The following CEP350 variants were observed in gnomAD, a reference collection of about 807,000 sequenced individuals.
CEP350 encodes the protein centrosome-associated protein 350.
Under a neutral mutation model 331.8 loss-of-function variants are expected in CEP350, and 126 were observed. The observed-to-expected ratio is 0.38, with a 90% CI of 0.33 to 0.44. CEP350 has a LOEUF of 0.44. CEP350 is among the 20% of genes least tolerant of loss of function. CEP350 has a pLI of 1.00. For synonymous variants in CEP350, 1,200 were observed against 1,259.5 expected (o/e 0.95, Z 1.00); for missense variants, 3,406 against 3,634.6 (o/e 0.94, Z 1.62).
chr1:180,095,832 G>T lies in CEP350; in HGVS notation c.8821G>T (p.Gly2941Cys). The T allele has an allele frequency of 6.2e-7, 1 of 1,613,894 alleles. No individual in the cohort carries two copies. Among genetic ancestry groups the T allele is most frequent in the South Asian group, 1.1e-5 (1 of 91,076 alleles). The change falls in exon 35 of 38, where the codon GGC (glycine) becomes TGC (cysteine). Residue 2941 changes from glycine to cysteine, a missense_variant. By Grantham distance (159) the Gly-to-Cys change is radical (BLOSUM62 -3). Transcript: ENST00000367607. ...AGAACTTTGGAAATGGAAAGAATTA[G>T]GCCACGATCTTCATAGCATCAGTAT... ...AEELWKWKEL[G>C]HDLHSISIPT...
At chr1:180,015,713 G>A in intron 10 of CEP350, 136 bp from the exon 11 acceptor site, 2 of 1,034,552 alleles carry the variant, frequency 1.9e-6, no homozygotes, top group Non-Finnish European at 2.7e-6. Flanking sequence ...AATTTTAATT[G>A]GTTTTGTTTG....
At chr1:180,034,965 G>A (rs1445268537) in intron 16 of CEP350, among the ~76,000 whole-genome samples, 1 of 152,206 alleles carries the variant, frequency 6.6e-6, no homozygotes, top group Admixed American at 6.5e-5. Context: ...TATGCCAAAA[G>A]CTAGGCCTCT....
intron 1 of CEP350, among the ~76,000 whole-genome samples, chr1:179,965,417 C>A (rs1197739183): frequency 4.6e-5 from 7 of 151,982 alleles, no homozygotes; most frequent in Non-Finnish European, 7.4e-5. Flanking sequence ...TCCGTTTGGT[C>A]AAGTGTCTAA....
At chr1:180,052,576 A>G (rs1378419761) in intron 22 of CEP350, among the ~76,000 whole-genome samples, 2 of 151,538 alleles carry the variant, frequency 1.3e-5, no homozygotes, top group Non-Finnish European at 2.9e-5. Context: ...GAGTTTTTTA[A>G]AAAGATATTT....
At chr1:180,018,113 C>T (rs1486739846) in intron 11 of CEP350, among the ~76,000 whole-genome samples, 1 of 152,306 alleles carries the variant, frequency 6.6e-6, no homozygotes. Context: ...TCAAGTGATC[C>T]TCCCACCTCA....
At chr1:180,044,498 T>TA (rs1656986722) in intron 21 of CEP350, among the ~76,000 whole-genome samples, 1 of 151,980 alleles carries the variant, frequency 6.6e-6, no homozygotes, top group African/African-American at 2.4e-5. Context: ...TATGCAGCCA[T>TA]AAAAAATGAT....
chr1:180,029,952 A>C (rs1319679058), intron 14 of CEP350, among the ~76,000 whole-genome samples: 1 of 152,072 alleles, frequency 6.6e-6, no homozygotes, highest in South Asian at 2.1e-4. Context: ...CACTTAGCAT[A>C]ATGTCTTCAA....
intron 16 of CEP350, among the ~76,000 whole-genome samples, chr1:180,035,928 G>T (rs1375881682): frequency 4.6e-5 from 7 of 152,110 alleles, no homozygotes; most frequent in African/African-American, 1.2e-4. Context: ...CTGCTGATTT[G>T]GGCAAAGTAA....
chr1:179,983,868 T>G (rs932601912), intron 1 of CEP350, among the ~76,000 whole-genome samples: 2 of 152,160 alleles, frequency 1.3e-5, no homozygotes, highest in African/African-American at 4.8e-5. Context: ...ATAGAAAAGA[T>G]AATTCACCAA....
At chr1:179,972,557 T>G (rs1651530865) in intron 1 of CEP350, among the ~76,000 whole-genome samples, 1 of 152,092 alleles carries the variant, frequency 6.6e-6, no homozygotes, top group South Asian at 2.1e-4. Flanking sequence ...CAGGCTGGAG[T>G]GCAGTGGTGC....
In CEP350 at chr1:179,990,618, A is replaced by G. The variant is rs1194872108; in HGVS notation, c.232A>G (p.Lys78Glu). The change falls in exon 4 of 38, where the codon AAA (lysine) becomes GAA (glutamate). Residue 78 changes from lysine to glutamate, a missense_variant. This residue lies in a region of CEP350 where 1,857 missense variants were observed against 1,909.2 expected (regional missense o/e 0.97). Transcript: ENST00000367607. ...AAGTGCTACTCGAAAAATAAGTAGA[A>G]AAGGTATGTATGAAGTTACTTCCAA... ...STSATRKISR[K>E]DGRYLDDSWV... 6.5e-7 allele frequency: 1 copy of G among 1,535,162 alleles called. No homozygotes were observed. Among genetic ancestry groups the G allele is most frequent in the Non-Finnish European group, 8.9e-7 (1 of 1,120,486 alleles).
chr1:180,084,833 C>T (rs1227679806), intron 31 of CEP350, among the ~76,000 whole-genome samples: 2 of 152,008 alleles, frequency 1.3e-5, no homozygotes, highest in Non-Finnish European at 2.9e-5. Context: ...CTGTGAATAG[C>T]CACTGCATTC....
rs1654675142 is a variant in CEP350 at position 180,011,778 on chromosome 1, G to T, written c.1247-151G>T. 6 of 537,278 alleles carry T rather than the reference G, an allele frequency of 1.1e-5. No individual in the cohort carries two copies. The South Asian group carries it at 1.8e-4, about 16-fold the overall frequency. The allele number at this position is 537,278 out of a possible 1,614,324, so 33.3% of individuals were successfully genotyped here. A position where few individuals can be genotyped will look rare whatever the true frequency, so the allele number is the denominator to read the frequency against. On this transcript the variant is annotated intron_variant, in intron 8 of 37. Coordinates refer to ENST00000367607, the MANE Select transcript of CEP350 (RefSeq NM_014810.5). ...ATAAACAAATGGTTAACTGACTTGG[G>T]GAGGTTAGGGTTTAAAAATATCATT...
intron 1 of CEP350, chr1:179,969,465 T>C: frequency 2.1e-6 from 1 of 487,006 alleles, no homozygotes; most frequent in Non-Finnish European, 4.1e-6. Context: ...CAGCTCCCAC[T>C]GCTCAGGCCA....
intron 1 of CEP350, among the ~76,000 whole-genome samples, chr1:179,967,030 A>C (rs1008741869): frequency 6.6e-6 from 1 of 152,216 alleles, no homozygotes; most frequent in Admixed American, 6.5e-5. Flanking sequence ...TGATTGAGCA[A>C]AGAAGAGTTC....
chr1:180,047,443 C>T (rs748174305), intron 21 of CEP350, among the ~76,000 whole-genome samples: 5 of 151,670 alleles, frequency 3.3e-5, no homozygotes, highest in Admixed American at 2.0e-4. Context: ...TTAAGATTGC[C>T]CAAGGAGAAT....
chr1:180,101,030 T>G (rs1365685488), intron 37 of CEP350, among the ~76,000 whole-genome samples: 1 of 152,216 alleles, frequency 6.6e-6, no homozygotes, highest in Non-Finnish European at 1.5e-5. Context: ...ACAGGGTCAG[T>G]TAAGCAGACA....
At chr1:180,011,031 A>C (rs982003858) in intron 8 of CEP350, among the ~76,000 whole-genome samples, 2 of 151,328 alleles carry the variant, frequency 1.3e-5, no homozygotes, top group Non-Finnish European at 2.9e-5. Flanking sequence ...TTTTGAGATG[A>C]TTGCTTAATT....
intron 10 of CEP350, 142 bp from the exon 11 acceptor site, chr1:180,015,707 T>G: frequency 9.8e-7 from 1 of 1,021,352 alleles, no homozygotes; most frequent in African/African-American, 1.6e-5. Context: ...AAAATAAATT[T>G]TAATTGGTTT....
Sources: gnomAD v4.1 joint callset for allele counts (sites outside exome capture counted in the v4.1 genomes callset) on GRCh38, gnomAD v4.1.1 for gene constraint, gnomAD v4.1.1 regional missense constraint, MANE v1.5 for transcripts, NCBI Gene and HGNC (gene_info 2026-07-23, HGNC 2026-07-21) for gene names.